The following B4GALNT3 variants were observed in gnomAD, a reference collection of about 807,000 sequenced individuals.
The protein encoded by B4GALNT3 is beta-1,4-N-acetylgalactosaminyltransferase 3.
In B4GALNT3, 86 loss-of-function variants were observed where a neutral mutation model predicts 120.2. The ratio of observed to expected loss-of-function variants is 0.72; its 90% CI spans 0.60 to 0.86. The LOEUF (loss-of-function observed/expected upper bound fraction) is 0.86. Ranked by LOEUF, B4GALNT3 falls within the 40% of genes least tolerant of loss-of-function variation. B4GALNT3 has a pLI of 0.00. For synonymous variants in B4GALNT3, 518 were observed against 510.4 expected (o/e 1.01, Z -0.20); for missense variants, 1,167 against 1,298.9 (o/e 0.90, Z 1.56).
Position 494,960 on chromosome 12 carries a change from G to T in B4GALNT3, c.169+34415G>T, listed in dbSNP as rs144448670. On this transcript the variant is annotated intron_variant, in intron 1 of 19. Transcript: ENST00000266383. ...CTTTAGCTACAAGTGAGGAAACCTG[G>T]GTATAAAAAGGAGGCCTGGAGTTCT... 2.1e-3 allele frequency among the ~76,000 whole-genome samples: 317 copies of T among 152,258 alleles called. 2 individuals are homozygous for T. The highest frequency in any genetic ancestry group is 7.1e-3 in the African/African-American group (293 of 41,548).
chr12:512,635 CCTTCCACCTTCCACCTTCCACCTT>C (rs1565598892), intron 1 of B4GALNT3, among the ~76,000 whole-genome samples: 4 of 126,132 alleles, frequency 3.2e-5, no homozygotes, highest in East Asian at 6.2e-4. Flanking sequence ...CCACCTTCCG[CCTTCCACCTTCCACCTTCCACCTT>C]CTTCCACCTT....
In B4GALNT3 at chr12:548,845, G is replaced by A. The variant is rs369243912; in HGVS notation, c.853+548G>A. Among the ~76,000 whole-genome samples the A allele has an allele frequency of 6.6e-5, 10 of 152,344 alleles. No individual in the cohort carries two copies. The highest frequency in any genetic ancestry group is 2.4e-4 in the African/African-American group (10 of 41,576). ...CCAGGAGTTCGAAGCTGAAGCTACA[G>A]TGAGCTGTAATTGGGTCACTGTGCT... On this transcript the variant is annotated intron_variant, in intron 9 of 19. Transcript: ENST00000266383. The surrounding 1 kb of genome is among the most constrained non-coding windows in gnomAD (Gnocchi z 4.9).
At chr12:539,353 G>C (rs1047080772) in intron 3 of B4GALNT3, among the ~76,000 whole-genome samples, 2 of 152,118 alleles carry the variant, frequency 1.3e-5, no homozygotes, top group African/African-American at 4.8e-5. Flanking sequence ...ATGTCTGCCA[G>C]CCAGGCCACT....
rs1430304916 is a variant in B4GALNT3, at chr12:556,942, A to G, written c.2380+76A>G. ...GTCAGGAGCACCCACATCTGCTTGC[A>G]CTGATTTGATCCCATAAGCACTTCT... On this transcript the variant is annotated intron_variant, in intron 15 of 19. Transcript: ENST00000266383. 3.4e-6 allele frequency: 5 copies of G among 1,450,366 alleles called. No homozygotes were observed. In the African/African-American group the frequency reaches 7.1e-5, roughly 21 times the overall value. 89.8% of individuals were successfully genotyped at this position (1,450,366 alleles called of 1,614,324 possible). A position where few individuals can be genotyped will look rare whatever the true frequency, so the allele number is the denominator to read the frequency against.
intron 3 of B4GALNT3, among the ~76,000 whole-genome samples, chr12:539,650 C>T (rs561161657): frequency 2.6e-5 from 4 of 152,206 alleles, no homozygotes; most frequent in African/African-American, 9.6e-5. Context: ...TGGTGGCTCA[C>T]ACCTGTAATG....
chr12:497,581 T>C (rs532791315), intron 1 of B4GALNT3, among the ~76,000 whole-genome samples: 1 of 152,390 alleles, frequency 6.6e-6, no homozygotes, highest in East Asian at 1.9e-4. Context: ...AACACTGGTG[T>C]ACAAATATTT....
At position 492,055 on chromosome 12, in the gene B4GALNT3, C is replaced by CAAAAA. The variant is rs55702729; in HGVS notation, c.169+31518_169+31522dup. On this transcript the variant is annotated intron_variant, in intron 1 of 19. Coordinates refer to ENST00000266383, the MANE Select transcript of B4GALNT3 (RefSeq NM_173593.4). ...TTTGGGCACCAGAACGAGACCGTCT[C>CAAAAA]AAAAAAAAAAAAGAACAAGGCAAGA... Among the ~76,000 whole-genome samples the CAAAAA allele has an allele frequency of 1.2e-3, 154 of 131,976 alleles. 6 individuals are homozygous for CAAAAA. Among genetic ancestry groups the CAAAAA allele is most frequent in the South Asian group, 0.011 (43 of 4,064 alleles). 86.6% of individuals were successfully genotyped at this position (131,976 alleles called of 152,430 possible). A position where few individuals can be genotyped will look rare whatever the true frequency, so the allele number is the denominator to read the frequency against.
At chr12:472,026 C>T (rs1368574275) in intron 1 of B4GALNT3, among the ~76,000 whole-genome samples, 3 of 152,142 alleles carry the variant, frequency 2.0e-5, no homozygotes, top group Admixed American at 1.3e-4. Flanking sequence ...CCTCCTCCAG[C>T]GACAGCAGGC....
At chr12:492,660 A>T (rs531469108) in intron 1 of B4GALNT3, among the ~76,000 whole-genome samples, 2 of 152,352 alleles carry the variant, frequency 1.3e-5, no homozygotes, top group Admixed American at 1.3e-4. Context: ...AAGTCAAGTC[A>T]GTGTTGGAGG....
chr12:472,049 G>GGT (rs144145752), intron 1 of B4GALNT3, among the ~76,000 whole-genome samples: 10,209 of 152,244 alleles, frequency 0.067, 597 homozygotes, highest in African/African-American at 0.16. Flanking sequence ...TTGTTATTCG[G>GGT]GTGTGTGTGT....
At chr12:547,024 G>A (rs1043622779) in intron 7 of B4GALNT3, among the ~76,000 whole-genome samples, 2 of 152,218 alleles carry the variant, frequency 1.3e-5, no homozygotes, top group African/African-American at 4.8e-5. Context: ...ACCCACAACA[G>A]CCTGGACCCC....
chr12:552,274 C>G, intron 12 of B4GALNT3, 111 bp downstream of exon 12: 2 of 962,042 alleles, frequency 2.1e-6, no homozygotes, highest in Non-Finnish European at 3.3e-6. Context: ...AGTCTTTGCT[C>G]TTGCTCTTCC....
At chr12:547,281 A>G (rs1947020554) in intron 7 of B4GALNT3, among the ~76,000 whole-genome samples, 1 of 152,224 alleles carries the variant, frequency 6.6e-6, no homozygotes, top group South Asian at 2.1e-4. Flanking sequence ...ACAGCACAGT[A>G]GGGTGACTGT....
intron 1 of B4GALNT3, among the ~76,000 whole-genome samples, chr12:467,451 C>G (rs1201993806): frequency 6.6e-6 from 1 of 151,994 alleles, no homozygotes; most frequent in East Asian, 1.9e-4. Flanking sequence ...CCCAGCTACT[C>G]GGGAGGCTGA....
intron 4 of B4GALNT3, among the ~76,000 whole-genome samples, 196 bp from the exon 5 acceptor site, chr12:544,686 G>T (rs1453408758): frequency 6.6e-6 from 1 of 152,132 alleles, no homozygotes; most frequent in Non-Finnish European, 1.5e-5. Context: ...ATGTACAGTT[G>T]TGCTGGTTGT....
intron 1 of B4GALNT3, among the ~76,000 whole-genome samples, chr12:468,915 G>A (rs747490240): frequency 2.6e-5 from 4 of 152,298 alleles, no homozygotes; most frequent in Non-Finnish European, 4.4e-5. Flanking sequence ...ACAAATGGAC[G>A]AGAATAGAGA....
At chr12:474,595 G>A (rs1946166402) in intron 1 of B4GALNT3, among the ~76,000 whole-genome samples, 1 of 152,158 alleles carries the variant, frequency 6.6e-6, no homozygotes. Context: ...AAGGTAGGAG[G>A]ATGGCTTGAG....
intron 1 of B4GALNT3, among the ~76,000 whole-genome samples, chr12:469,592 A>G (rs1430484108): frequency 5.9e-5 from 9 of 152,108 alleles, no homozygotes; most frequent in African/African-American, 2.2e-4. Flanking sequence ...CAATGCCTGC[A>G]TCTTTCCATC....
chr12:544,038 G>A (rs1390510904), intron 3 of B4GALNT3, among the ~76,000 whole-genome samples: 2 of 133,840 alleles, frequency 1.5e-5, no homozygotes, highest in Non-Finnish European at 3.1e-5. Context: ...GAGCTGGGGC[G>A]GGCATGGGGT....
Sources: allele counts gnomAD v4.1 joint callset (sites outside exome capture counted in the v4.1 genomes callset), GRCh38; gene constraint gnomAD v4.1.1; non-coding constraint Gnocchi (gnomAD v3.1); transcripts MANE v1.5; gene names NCBI Gene and HGNC (gene_info 2026-07-23, HGNC 2026-07-21).